Variants in OSBPL9 observed in about 807,000 individuals in gnomAD.
OSBPL9 encodes oxysterol-binding protein-related protein 9.
OSBPL9 carries 40 observed loss-of-function variants against 106.6 expected under a neutral mutation model. The ratio of observed to expected loss-of-function variants is 0.38; its 90% CI spans 0.29 to 0.49. The LOEUF is 0.49. Among genes scored for constraint, OSBPL9 ranks in the 20% least tolerant of loss-of-function variants. OSBPL9 has a pLI of 0.97. For missense variants in OSBPL9, 609 were observed against 887.2 expected, an observed-to-expected ratio of 0.69 and a Z score of 3.98; for synonymous variants, 269 against 295.4, an observed-to-expected ratio of 0.91 and a Z score of 0.92.
intron 4 of OSBPL9, among the ~76,000 whole-genome samples, chr1:51,716,405 T>C (rs1326877568): frequency 6.6e-6 from 1 of 152,218 alleles, no homozygotes; most frequent in Admixed American, 6.5e-5. Context: ...ATCTATAAAA[T>C]GAGGATAATA....
At chr1:51,545,929 TAATA>T in the OSBPL9 span, among the ~76,000 whole-genome samples, 1 of 152,146 alleles carries the variant, frequency 6.6e-6, no homozygotes, top group Non-Finnish European at 1.5e-5. Context: ...GTTAAAAACA[TAATA>T]AATGTGAAAA....
intron 2 of OSBPL9, among the ~76,000 whole-genome samples, chr1:51,668,726 G>A (rs1474492680): frequency 6.6e-6 from 1 of 152,172 alleles, no homozygotes. Flanking sequence ...TCCCCATTGT[G>A]TGTGCCTGCC....
intron 2 of OSBPL9, among the ~76,000 whole-genome samples, chr1:51,664,091 C>T (rs768267745): frequency 9.9e-5 from 15 of 152,190 alleles, no homozygotes; most frequent in Non-Finnish European, 1.5e-4. Context: ...CTGATATATG[C>T]ATATCCTGTG....
chr1:51,758,331 TG>T (rs1296721173), intron 9 of OSBPL9, among the ~76,000 whole-genome samples: 1 of 151,936 alleles, frequency 6.6e-6, no homozygotes, highest in East Asian at 1.9e-4. Context: ...AAATGCTGAT[TG>T]GTTAACATCA....
At position 51,604,738 on chromosome 1, in the gene OSBPL9, C is replaced by T. The variant is rs1473594227; in HGVS notation, c.-353+6545C>T. 4.6e-5 allele frequency among the ~76,000 whole-genome samples: 7 copies of T among 152,064 alleles called. No homozygotes were observed. In the East Asian group the frequency reaches 5.9e-4, roughly 13 times the overall value. On this transcript the variant is annotated intron_variant, in intron 2 of 25. Coordinates refer to the OSBPL9 transcript ENST00000371714. ...GTGCGATCTTGGCTCACTGCAACCTCGGCCTCCCGGGTCCAAGTGATTCTC... is the reference window on the plus strand; with the variant it reads ...GTGCGATCTTGGCTCACTGCAACCTTGGCCTCCCGGGTCCAAGTGATTCTC...
chr1:51,687,449 C>T (rs2148817677), intron 3 of OSBPL9, among the ~76,000 whole-genome samples: 1 of 152,142 alleles, frequency 6.6e-6, no homozygotes, highest in South Asian at 2.1e-4. Context: ...GCCATAGAGA[C>T]CTATGGAAAT....
intron 1 of OSBPL9, among the ~76,000 whole-genome samples, chr1:51,588,478 G>A (rs188236032): frequency 6.6e-6 from 1 of 152,114 alleles, no homozygotes; most frequent in Non-Finnish European, 1.5e-5. Flanking sequence ...GGGCCACATA[G>A]CAAGACCCCT....
chr1:51,732,368 T>G (rs530673089), intron 4 of OSBPL9, among the ~76,000 whole-genome samples: 20 of 152,332 alleles, frequency 1.3e-4, no homozygotes, highest in Non-Finnish European at 2.9e-4. Context: ...GATTCTTATA[T>G]AGAAAAAAGA....
chr1:51,617,254 T>C (rs1295866227), intron 1 of OSBPL9, 33 bp downstream of exon 1: 1 of 1,567,138 alleles, frequency 6.4e-7, no homozygotes, highest in Non-Finnish European at 8.7e-7. Flanking sequence ...TCCAGGCGCC[T>C]CGGGGCCGCG....
intron 8 of OSBPL9, among the ~76,000 whole-genome samples, chr1:51,754,198 G>T (rs897363282): frequency 4.6e-5 from 7 of 152,194 alleles, no homozygotes; most frequent in Non-Finnish European, 1.0e-4. Context: ...CCACAACTCA[G>T]AATGCCTGTC....
At chr1:51,766,025 T>C in intron 12 of OSBPL9, 44 bp downstream of exon 12, 1 of 1,504,750 alleles carries the variant, frequency 6.6e-7, no homozygotes, top group South Asian at 1.3e-5. Flanking sequence ...TTCTCCTGAT[T>C]TTTAAAAATC....
chr1:51,722,162 A>C (rs368410263), intron 4 of OSBPL9, among the ~76,000 whole-genome samples: 1 of 146,958 alleles, frequency 6.8e-6, no homozygotes, highest in Non-Finnish European at 1.5e-5. Context: ...CTCTAAAATA[A>C]ATAGATAGAT....
intron 6 of OSBPL9, among the ~76,000 whole-genome samples, chr1:51,747,945 A>G (rs1270978986): frequency 6.6e-6 from 1 of 152,018 alleles, no homozygotes; most frequent in Non-Finnish European, 1.5e-5. Flanking sequence ...GCCTGCCACC[A>G]CGCCCAGCTA....
At chr1:51,628,974 G>A (rs891110273) in intron 1 of OSBPL9, among the ~76,000 whole-genome samples, 8 of 152,000 alleles carry the variant, frequency 5.3e-5, no homozygotes, top group African/African-American at 1.7e-4. Flanking sequence ...TACCATGCCC[G>A]GCCTTAGCTT....
chr1:51,621,842 C>G (rs980643381), intron 1 of OSBPL9, among the ~76,000 whole-genome samples: 10 of 152,082 alleles, frequency 6.6e-5, no homozygotes, highest in Non-Finnish European at 1.0e-4. Context: ...TAAACAGGTT[C>G]CTTTGTCCTC....
At chr1:51,698,680 T>C (rs974938951) in intron 3 of OSBPL9, among the ~76,000 whole-genome samples, 2 of 152,170 alleles carry the variant, frequency 1.3e-5, no homozygotes, top group Non-Finnish European at 2.9e-5. Context: ...AATAACATTA[T>C]TTAAAAAAGG....
intron 3 of OSBPL9, among the ~76,000 whole-genome samples, chr1:51,699,124 A>C (rs1656697289): frequency 6.6e-6 from 1 of 152,196 alleles, no homozygotes; most frequent in Non-Finnish European, 1.5e-5. Context: ...GACTATCATA[A>C]AACAGCACAA....
At chr1:51,692,982 T>G (rs1655284002) in intron 3 of OSBPL9, among the ~76,000 whole-genome samples, 1 of 151,706 alleles carries the variant, frequency 6.6e-6, no homozygotes, top group Non-Finnish European at 1.5e-5. Context: ...TTTAGAAGAG[T>G]TCATTGAGAA....
In OSBPL9 at chr1:51,706,642, C is replaced by T. The variant is rs1055477452; in HGVS notation, c.242-7361C>T. 2.7e-4 allele frequency among the ~76,000 whole-genome samples: 41 copies of T among 150,420 alleles called. 1 individual carries two copies. Among genetic ancestry groups the T allele is most frequent in the African/African-American group, 1.2e-4 (5 of 41,100 alleles). On this transcript the variant is annotated intron_variant, in intron 3 of 23. Transcript: ENST00000428468. ...CTCATTTTGAACTTCTTGTTGTTTTCAGCCTTTTTGCTTTTATATATATAT... is the reference window on the plus strand; with the variant it reads ...CTCATTTTGAACTTCTTGTTGTTTTTAGCCTTTTTGCTTTTATATATATAT...
Sources: allele counts gnomAD v4.1 joint callset (sites outside exome capture counted in the v4.1 genomes callset), GRCh38; gene constraint gnomAD v4.1.1; transcripts MANE v1.5; gene names NCBI Gene and HGNC (gene_info 2026-07-23, HGNC 2026-07-21).